SOX6: variants seen among roughly 807,000 people sequenced by gnomAD.
The protein encoded by SOX6 is transcription factor SOX-6.
In SOX6, 11 loss-of-function variants were observed where a neutral mutation model predicts 97.8. The observed-to-expected ratio is 0.11, with a 90% CI of 0.07 to 0.19. The LOEUF is 0.19. SOX6 is among the 10% of genes least tolerant of loss of function. The probability of loss-of-function intolerance (pLI) is 1.00; values close to 1 mark genes in which losing one functional copy is unlikely to be tolerated. For missense variants in SOX6, 810 were observed against 1,039.5 expected, an observed-to-expected ratio of 0.78 and a Z score of 3.04; for synonymous variants, 360 against 371.4, an observed-to-expected ratio of 0.97 and a Z score of 0.35.
intron 3 of SOX6, among the ~76,000 whole-genome samples, chr11:16,681,522 T>G (rs1402365166): frequency 6.6e-6 from 1 of 152,078 alleles, no homozygotes; most frequent in African/African-American, 2.4e-5. Flanking sequence ...GATCTAAAAT[T>G]GATACCCTAA....
At chr11:16,427,262 T>C (rs950172578) in intron 1 of SOX6, among the ~76,000 whole-genome samples, 1 of 151,320 alleles carries the variant, frequency 6.6e-6, no homozygotes, top group African/African-American at 2.4e-5. Context: ...CATAAGGAGC[T>C]TAAATTTACA....
At chr11:15,984,493 G>A (rs961770287) in intron 15 of SOX6, among the ~76,000 whole-genome samples, 4 of 152,122 alleles carry the variant, frequency 2.6e-5, no homozygotes, top group Admixed American at 1.3e-4. Flanking sequence ...TCTTAGAGGT[G>A]TACTAACGGG....
chr11:16,362,258 T>C (rs1021075750), intron 1 of SOX6, among the ~76,000 whole-genome samples: 3 of 152,190 alleles, frequency 2.0e-5, no homozygotes, highest in African/African-American at 7.2e-5. Flanking sequence ...TCTCTCTTTC[T>C]CTACTCTTCT....
At chr11:16,429,734 T>A (rs1460068007) in intron 1 of SOX6, among the ~76,000 whole-genome samples, 1 of 152,016 alleles carries the variant, frequency 6.6e-6, no homozygotes, top group Non-Finnish European at 1.5e-5. Context: ...AGTACTAGGC[T>A]TAATACCTGG....
intron 4 of SOX6, among the ~76,000 whole-genome samples, chr11:16,498,729 T>C (rs1349299433): frequency 6.6e-6 from 1 of 152,016 alleles, no homozygotes; most frequent in East Asian, 1.9e-4. Context: ...TACATAATGG[T>C]AAAAGGATCA....
chr11:16,559,412 G>A (rs1050298275), intron 4 of SOX6, among the ~76,000 whole-genome samples: 6 of 151,940 alleles, frequency 3.9e-5, no homozygotes, highest in African/African-American at 7.3e-5. Flanking sequence ...TAAAAATCTC[G>A]TTGCTGCCCC....
At position 16,049,834 on chromosome 11, in the gene SOX6, T is replaced by A. The variant is rs1365723868; in HGVS notation, c.1356A>T (p.Lys452Asn). The A allele has an allele frequency of 6.2e-7, 1 of 1,613,748 alleles. No homozygotes were observed. The highest frequency in any genetic ancestry group is 8.5e-7 in the Non-Finnish European group (1 of 1,179,790). Reference sequence around the variant, plus strand: ...TGTTTGGCAGATTGACAGGGCTGGTTTTGCTGGCTGGGAAGAGGTTCTGGG... The same window carrying A: ...TGTTTGGCAGATTGACAGGGCTGGTATTGCTGGCTGGGAAGAGGTTCTGGG... Reference protein sequence around the residue: ...SPTQNLFPASKTSPVNLPNKS... With the variant: ...SPTQNLFPASNTSPVNLPNKS... Residue 452 changes from lysine to asparagine, a missense_variant, in exon 11 of 16, where the codon AAA becomes AAT. By Grantham distance (94) the Lys-to-Asn change is moderately conservative. Transcript: ENST00000683767.
intron 3 of SOX6, among the ~76,000 whole-genome samples, chr11:16,658,602 G>A (rs1847742475): frequency 1.3e-5 from 2 of 152,184 alleles, no homozygotes; most frequent in East Asian, 3.9e-4. Context: ...CAGCTACTAG[G>A]GAGGCTGAGG....
intron 2 of SOX6, among the ~76,000 whole-genome samples, chr11:16,336,832 CT>C (rs891972730): frequency 6.6e-6 from 1 of 152,102 alleles, no homozygotes; most frequent in African/African-American, 2.4e-5. Flanking sequence ...AACTACAAGA[CT>C]TTTGTACTTA....
At chr11:16,416,695 C>G (rs1565138130) in intron 1 of SOX6, among the ~76,000 whole-genome samples, 1 of 152,174 alleles carries the variant, frequency 6.6e-6, no homozygotes, top group African/African-American at 2.4e-5. Flanking sequence ...TATACTTTCA[C>G]AAATTCACTC....
In SOX6 at chr11:16,246,018, T is replaced by A. The variant is rs542036177; in HGVS notation, c.446-11347A>T. Among the ~76,000 whole-genome samples, 4 of 151,130 alleles carry A rather than the reference T, an allele frequency of 2.6e-5. No individual in the cohort carries two copies. In the East Asian group the frequency reaches 7.9e-4, roughly 30 times the overall value. On this transcript the variant is annotated intron_variant, in intron 3 of 15. Transcript: ENST00000683767. ...TCTTTTCTTGGCTTTTTAATTATTA[T>A]TTTTTTTAGAATTCTACTTATCTCC... is the stretch of plus-strand genomic sequence containing the variant.
chr11:16,475,768 C>T (rs1860233327), intron 1 of SOX6, among the ~76,000 whole-genome samples: 1 of 152,108 alleles, frequency 6.6e-6, no homozygotes, highest in Non-Finnish European at 1.5e-5. Context: ...TTGCCCAATG[C>T]AGGGTTGCCA....
intron 2 of SOX6, among the ~76,000 whole-genome samples, chr11:16,333,333 A>G (rs1426669706): frequency 6.6e-6 from 1 of 152,126 alleles, no homozygotes; most frequent in Non-Finnish European, 1.5e-5. Context: ...CAATATAAAC[A>G]TTATTTTCTT....
intron 1 of SOX6, among the ~76,000 whole-genome samples, chr11:16,421,196 A>G (rs750233072): frequency 6.6e-6 from 1 of 152,178 alleles, no homozygotes; most frequent in Non-Finnish European, 1.5e-5. Context: ...ACACCAAAAT[A>G]AAATACTTAG....
intron 11 of SOX6, 74 bp from the exon 12 acceptor site, chr11:16,046,775 C>T (rs1196735314): frequency 1.4e-6 from 2 of 1,409,382 alleles, no homozygotes; most frequent in Non-Finnish European, 9.9e-7. Flanking sequence ...ATCCCCTCCC[C>T]TGTAGAAAGC....
intron 6 of SOX6, among the ~76,000 whole-genome samples, chr11:16,164,546 G>A (rs189186993): frequency 4.1e-4 from 63 of 152,242 alleles, no homozygotes; most frequent in Non-Finnish European, 7.4e-4. Context: ...GGAGAGGGCC[G>A]GGCACAGTGG....
At chr11:16,029,922 T>C (rs1216545441) in intron 12 of SOX6, among the ~76,000 whole-genome samples, 1 of 152,150 alleles carries the variant, frequency 6.6e-6, no homozygotes, top group Admixed American at 6.5e-5. Context: ...GTGTATAACC[T>C]AGGAAAGGAG....
At chr11:16,615,013 G>A (rs1038175784) in intron 3 of SOX6, among the ~76,000 whole-genome samples, 1 of 152,062 alleles carries the variant, frequency 6.6e-6, no homozygotes, top group Non-Finnish European at 1.5e-5. Flanking sequence ...AACAAGAAAT[G>A]TCTTCTCCAA....
chr11:16,295,617 A>C (rs1855055496), intron 3 of SOX6, among the ~76,000 whole-genome samples: 2 of 152,082 alleles, frequency 1.3e-5, no homozygotes, highest in African/African-American at 4.8e-5. Context: ...TTGCACACTT[A>C]CTCTATTTCC....
Sources: gnomAD v4.1 joint callset for allele counts (sites outside exome capture counted in the v4.1 genomes callset) on GRCh38, gnomAD v4.1.1 for gene constraint, MANE v1.5 for transcripts, NCBI Gene and HGNC (gene_info 2026-07-23, HGNC 2026-07-21) for gene names.